The following LRSAM1 variants were observed in gnomAD, a reference collection of about 807,000 sequenced individuals.
LRSAM1 encodes the protein E3 ubiquitin-protein ligase LRSAM1.
A neutral mutation model predicts 118.1 loss-of-function variants in LRSAM1; 96 were observed. The observed-to-expected ratio is 0.81, with a 90% CI of 0.69 to 0.96. The LOEUF (loss-of-function observed/expected upper bound fraction) is 0.96. Among genes scored for constraint, LRSAM1 ranks in the 40% least tolerant of loss-of-function variants. The pLI, the probability that LRSAM1 is intolerant of heterozygous loss-of-function variation, is 0.00. For missense variants in LRSAM1, 804 were observed against 915.5 expected (o/e 0.88, Z 1.57); for synonymous variants, 322 against 364.2 (o/e 0.88, Z 1.32).
intron 23 of LRSAM1, among the ~76,000 whole-genome samples, chr9:127,496,521 G>A (rs1365381001): frequency 6.6e-6 from 1 of 152,192 alleles, no homozygotes; most frequent in African/African-American, 2.4e-5. Flanking sequence ...AATACTCATC[G>A]CTGTGCCAGC....
At chr9:127,482,907 G>T in intron 15 of LRSAM1, 43 bp from the exon 16 acceptor site, 1 of 1,537,278 alleles carries the variant, frequency 6.5e-7, no homozygotes, top group South Asian at 1.2e-5. Context: ...TTCCCTGTTG[G>T]AAATGTTAAA....
In LRSAM1 at chr9:127,479,898, G is replaced by T. The variant is rs532371463; in HGVS notation, c.963G>T (p.Arg321=). The stretch of plus-strand genomic sequence containing the variant: ...ACCAGCGCCACCTCAACGCAGAGCG[G>T]CAGCGGCTGCAGGAGCAGCTGAAGC... The part of the protein sequence containing the change: ...SEHQRHLNAE[R]QRLQEQLKQT... The change falls in exon 14 of 26, where the codon CGG becomes CGT. Residue 321 remains arginine (R), a synonymous_variant. Coordinates refer to ENST00000300417, the MANE Select transcript of LRSAM1 (RefSeq NM_001005373.4). The T allele has an allele frequency of 6.2e-6, 10 of 1,611,668 alleles. No homozygotes were observed. Among genetic ancestry groups the T allele is most frequent in the South Asian group, 4.4e-5 (4 of 90,990 alleles).
intron 21 of LRSAM1, among the ~76,000 whole-genome samples, chr9:127,494,063 G>A (rs1458057108): frequency 2.0e-5 from 3 of 152,224 alleles, no homozygotes; most frequent in African/African-American, 7.2e-5. Flanking sequence ...GTGCCTTGGC[G>A]CTGTGCCTTA....
intron 3 of LRSAM1, 136 bp downstream of exon 3, chr9:127,454,735 A>G: frequency 2.0e-6 from 2 of 1,012,774 alleles, no homozygotes; most frequent in Non-Finnish European, 1.5e-6. Context: ...TATTTGACTT[A>G]GACCCAACAG....
intron 23 of LRSAM1, 138 bp from the exon 24 acceptor site, chr9:127,497,115 C>CG: frequency 1.2e-6 from 1 of 842,648 alleles, no homozygotes; most frequent in South Asian, 1.5e-5. Context: ...CCGTGGGCCC[C>CG]GCCAGGCCCC....
rs1300842478 is a variant in LRSAM1 at position 127,457,486 on chromosome 9, C to CA, written c.252+94dup. On this transcript the variant is annotated intron_variant, in intron 6 of 25. Transcript: ENST00000300417. ...TCCTTTTGGGCTGCCTCTTGCATGTCAGAGGGGCCCAATCTACCAGTCAGT... is the reference window on the plus strand; with the variant it reads ...TCCTTTTGGGCTGCCTCTTGCATGTCAAGAGGGGCCCAATCTACCAGTCAGT... 1.1e-5 allele frequency: 12 copies of CA among 1,106,512 alleles called. No homozygotes were observed. In the Admixed American group the frequency reaches 2.3e-4, roughly 21 times the overall value. The allele number at this position is 1,106,512 out of a possible 1,614,324, so 68.5% of individuals were successfully genotyped here.
In LRSAM1 at chr9:127,491,122, T is replaced by A; in HGVS notation, c.1423-93T>A. 3 of 1,075,936 alleles carry A rather than the reference T, an allele frequency of 2.8e-6. No homozygotes were observed. The South Asian group carries it at 3.8e-5, about 13-fold the overall frequency. The allele number at this position is 1,075,936 out of a possible 1,614,324, so 66.6% of individuals were successfully genotyped here. On this transcript the variant is annotated intron_variant, in intron 19 of 25. Transcript: ENST00000300417. The stretch of plus-strand genomic sequence containing the variant: ...CCTCCCCAGCCTCCCCAGAAAGGCT[T>A]CTTAGACCCACTTGGTCACCAGAGA...
At chr9:127,479,536 G>C in intron 13 of LRSAM1, 31 bp downstream of exon 13, 1 of 1,612,410 alleles carries the variant, frequency 6.2e-7, no homozygotes, top group South Asian at 1.1e-5. Context: ...GGTCCAGCCT[G>C]GCTGCATCCC....
chr9:127,457,893 A>G (rs546967446), intron 6 of LRSAM1, among the ~76,000 whole-genome samples: 3 of 152,012 alleles, frequency 2.0e-5, no homozygotes, highest in Admixed American at 6.5e-5. Flanking sequence ...CACAGGCCCA[A>G]TCTGTTATAC....
chr9:127,501,107 G>A lies in LRSAM1; in HGVS notation c.2010G>A (p.Val670=). 3 of 1,613,786 alleles carry A rather than the reference G, an allele frequency of 1.9e-6. No homozygotes were observed. Among genetic ancestry groups the A allele is most frequent in the South Asian group, 2.2e-5 (2 of 91,066 alleles). ...CCGCTCCCCCTGCAGAGCTGGAGGT[G>A]CAGGCCTCAGAGTGTGTCGTGTGCC... ...RPSAPPAELE[V]QASECVVCLE... is the part of the protein sequence containing the mutation. The change falls in exon 25 of 26, where the codon GTG becomes GTA. Residue 670 remains valine (V), a synonymous_variant. Transcript: ENST00000300417.
chr9:127,481,078 A>G, intron 14 of LRSAM1, 105 bp from the exon 15 acceptor site: 1 of 1,223,758 alleles, frequency 8.2e-7, no homozygotes, highest in South Asian at 1.3e-5. Context: ...GGTGGAGCCA[A>G]GGTGCCCCCA....
At chr9:127,500,531 G>A (rs1048954760) in intron 24 of LRSAM1, among the ~76,000 whole-genome samples, 1 of 152,122 alleles carries the variant, frequency 6.6e-6, no homozygotes, top group Non-Finnish European at 1.5e-5. Context: ...GTCACCTGAT[G>A]GGCAGCAGCC....
At chr9:127,480,663 C>T (rs1044815046) in intron 14 of LRSAM1, among the ~76,000 whole-genome samples, 1 of 152,206 alleles carries the variant, frequency 6.6e-6, no homozygotes, top group South Asian at 2.1e-4. Context: ...TAAGTCTTTA[C>T]AAATGCACCA....
chr9:127,454,762 A>T (rs1834453717), intron 3 of LRSAM1, among the ~76,000 whole-genome samples, 163 bp downstream of exon 3: 1 of 152,140 alleles, frequency 6.6e-6, no homozygotes, highest in African/African-American at 2.4e-5. Context: ...CCCCCTGCCA[A>T]GGGTGCTTCT....
chr9:127,470,920 C>T (rs1029284228), intron 10 of LRSAM1: 1 of 152,032 alleles, frequency 6.6e-6, no homozygotes, highest in African/African-American at 2.4e-5. Context: ...TGCTCACAGT[C>T]AGTTACAGAT....
At chr9:127,483,105 C>A in intron 16 of LRSAM1, 85 bp downstream of exon 16, 2 of 1,267,734 alleles carry the variant, frequency 1.6e-6, no homozygotes, top group Non-Finnish European at 2.3e-6. Context: ...GTTGGCCATG[C>A]ATGGAGGGCC....
At position 127,479,505 on chromosome 9, in the gene LRSAM1, G is replaced by T. The variant is rs1220371930; in HGVS notation, c.903G>T (p.Glu301Asp). ...ATGAGATCCTTCAGACGGTCAAGGA[G>T]GTTTGTGAGCCGCCTGCTAGGGTCC... ...QKDEILQTVKEEQSRLEQGLS... is the reference protein window; with the variant it reads ...QKDEILQTVKDEQSRLEQGLS... The change falls in exon 13 of 26, where the codon GAG becomes GAT. Residue 301 changes from glutamate (E) to aspartate (D), a missense_variant and splice_region_variant. Transcript: ENST00000300417. The T allele has an allele frequency of 1.2e-6, 2 of 1,613,816 alleles. No homozygotes were observed. Among genetic ancestry groups the T allele is most frequent in the South Asian group, 2.2e-5 (2 of 91,030 alleles).
intron 16 of LRSAM1, among the ~76,000 whole-genome samples, chr9:127,484,349 G>A (rs569060770): frequency 2.1e-5 from 3 of 141,000 alleles, no homozygotes; most frequent in Admixed American, 7.7e-5. Context: ...AGTAAATAAC[G>A]TTGCATTTCC....
At position 127,502,816 on chromosome 9, in the gene LRSAM1, C is replaced by A. The variant is rs961918637; in HGVS notation, c.2089C>A (p.Gln697Lys). The A allele has an allele frequency of 1.2e-6, 2 of 1,611,974 alleles. No homozygotes were observed. The highest frequency in any genetic ancestry group is 1.7e-6 in the Non-Finnish European group (2 of 1,179,734). The change falls in exon 26 of 26, where the codon CAG becomes AAG. Residue 697 changes from glutamine (Q) to lysine (K), a missense_variant. Physicochemically the swap from Gln to Lys is moderately conservative, Grantham distance 53 (BLOSUM62 1). Coordinates refer to ENST00000300417, the MANE Select transcript of LRSAM1 (RefSeq NM_001005373.4). ...FLNCGHVCCCQQCCQPLRTCP... is the reference protein window; with the variant it reads ...FLNCGHVCCCKQCCQPLRTCP... ...CAACTGTGGCCACGTCTGCTGCTGC[C>A]AGCAGTGCTGCCAGCCACTGCGCAC...
Sources: allele counts gnomAD v4.1 joint callset (sites outside exome capture counted in the v4.1 genomes callset), GRCh38; gene constraint gnomAD v4.1.1; transcripts MANE v1.5; gene names NCBI Gene and HGNC (gene_info 2026-07-23, HGNC 2026-07-21).